CYP19A1: variants seen among roughly 807,000 people sequenced by gnomAD.
The protein encoded by CYP19A1 is cytochrome P450 family 19 subfamily A member 1.
In CYP19A1, 32 loss-of-function variants were observed where a neutral mutation model predicts 44.4. The ratio of observed to expected loss-of-function variants is 0.72; its 90% CI spans 0.54 to 0.97. The LOEUF is 0.97. Ranked by LOEUF, CYP19A1 falls within the 50% of genes least tolerant of loss-of-function variation. CYP19A1 has a pLI of 0.00. For missense variants in CYP19A1, 598 were observed against 637.8 expected (o/e 0.94, Z 0.67); for synonymous variants, 212 against 215.6 (o/e 0.98, Z 0.14).
At position 51,289,176 on chromosome 15, in the gene CYP19A1, A is replaced by G. The variant is rs1159911517; in HGVS notation, c.-38-46226T>C. 3.3e-5 allele frequency among the ~76,000 whole-genome samples: 5 copies of G among 152,234 alleles called. No individual in the cohort carries two copies. In the East Asian group the frequency reaches 7.7e-4, roughly 23 times the overall value. On this transcript the variant is annotated intron_variant, in intron 1 of 9. Transcript: ENST00000396402. ...TCCTACTCCCTGTGGTACTCTCTCT[A>G]TGTATATATTTCAATGAAGGTAATT...
rs1462327243 is a variant in CYP19A1 at position 51,242,855 on chromosome 15, C to T, written c.58G>A (p.Ala20Thr). 1.9e-6 allele frequency: 3 copies of T among 1,603,088 alleles called. No homozygotes were observed. The highest frequency in any genetic ancestry group is 1.7e-4 in the Middle Eastern group (1 of 6,058). ...ACTGGCATGGTGGCAGCAGGCATGG[C>T]TTCAGGCACGATGCTGGTGATGTTA... ...HYNITSIVPE[A>T]MPAATMPVLL... The change falls in exon 2 of 10, where the codon GCC becomes ACC. Residue 20 changes from alanine to threonine, a missense_variant. Physicochemically the swap from Ala to Thr is moderately conservative, Grantham distance 58. Coordinates refer to ENST00000396402, the MANE Select transcript of CYP19A1 (RefSeq NM_000103.4).
chr15:51,222,648 A>G, intron 4 of CYP19A1, 123 bp from the exon 5 acceptor site: 1 of 772,604 alleles, frequency 1.3e-6, no homozygotes, highest in Non-Finnish European at 2.3e-6. Flanking sequence ...AATTGGGTGG[A>G]AGTTTTCATA....
chr15:51,312,852 C>T (rs1193134143), intron 1 of CYP19A1: 1 of 152,302 alleles, frequency 6.6e-6, no homozygotes, highest in Non-Finnish European at 1.5e-5. Flanking sequence ...TTCCTCCCCT[C>T]CCTCCAGCTG....
At chr15:51,318,979 C>G (rs1595782722) in intron 1 of CYP19A1, 2 of 152,152 alleles carry the variant, frequency 1.3e-5, no homozygotes, top group Admixed American at 1.3e-4. Context: ...CAGGAAACAC[C>G]CTGAGATGTA....
Position 51,212,418 on chromosome 15 carries a change from T to C in CYP19A1, c.1165A>G (p.Lys389Glu). 1 of 1,607,186 alleles carries C rather than the reference T, an allele frequency of 6.2e-7. No individual in the cohort carries two copies. Among genetic ancestry groups the C allele is most frequent in the South Asian group, 1.1e-5 (1 of 90,942 alleles). ...EDDVIDGYPVKKGTNIILNIG... is the reference protein window; with the variant it reads ...EDDVIDGYPVEKGTNIILNIG... ...TTCAGGATAATGTTTGTCCCCTTTT[T>C]CACTGGGTAGCCATCGATTACATCA... is the stretch of plus-strand genomic sequence containing the variant. The change falls in exon 9 of 10, where the codon AAA becomes GAA. Residue 389 changes from lysine (K) to glutamate (E), a missense_variant. Coordinates refer to ENST00000396402, the MANE Select transcript of CYP19A1 (RefSeq NM_000103.4).
chr15:51,259,929 G>C (rs573177693), intron 1 of CYP19A1, among the ~76,000 whole-genome samples: 1 of 152,346 alleles, frequency 6.6e-6, no homozygotes, highest in Admixed American at 6.5e-5. Flanking sequence ...ATTGGGGAGA[G>C]AAGGACAGGT....
intron 1 of CYP19A1, among the ~76,000 whole-genome samples, chr15:51,336,859 C>T (rs1253841188): frequency 4.0e-5 from 6 of 151,332 alleles, no homozygotes; most frequent in South Asian, 4.2e-4. Context: ...TCCCTGTGTC[C>T]GCATTATATC....
chr15:51,336,910 T>TGAC (rs3078039), intron 1 of CYP19A1, among the ~76,000 whole-genome samples: 9,506 of 103,390 alleles, frequency 0.092, 802 homozygotes, highest in East Asian at 0.31. Flanking sequence ...GATTGATAGC[T>TGAC]TTTTTTTTTT....
intron 1 of CYP19A1, among the ~76,000 whole-genome samples, chr15:51,292,196 G>A (rs1004426763): frequency 1.3e-5 from 2 of 152,174 alleles, no homozygotes; most frequent in African/African-American, 2.4e-5. Context: ...AGAGTCACTC[G>A]GCTCTCAACC....
Position 51,298,369 on chromosome 15 carries a change from G to C in CYP19A1, c.-39+40126C>G, listed in dbSNP as rs557342889. Among the ~76,000 whole-genome samples the C allele has an allele frequency of 4.7e-4, 71 of 152,272 alleles. 2 individuals are homozygous for C. The highest frequency in any genetic ancestry group is 1.6e-3 in the Admixed American group (24 of 15,296). On this transcript the variant is annotated intron_variant, in intron 1 of 9. Coordinates refer to ENST00000396402, the MANE Select transcript of CYP19A1 (RefSeq NM_000103.4). Reference sequence around the variant, plus strand: ...TTTAGTTTTATGGAGCCCATGCTAAGAAAAATAAAGTGTGATAATCGAAGC... The same window carrying C: ...TTTAGTTTTATGGAGCCCATGCTAACAAAAATAAAGTGTGATAATCGAAGC...
intron 1 of CYP19A1, 39 bp from the exon 2 acceptor site, chr15:51,242,989 C>G: frequency 9.8e-7 from 1 of 1,017,920 alleles, no homozygotes; most frequent in Non-Finnish European, 1.6e-6. Context: ...ACAGAATCCC[C>G]TAAAAGGTTC....
chr15:51,300,468 A>T (rs2036089588), intron 1 of CYP19A1, among the ~76,000 whole-genome samples: 1 of 152,194 alleles, frequency 6.6e-6, no homozygotes, highest in Non-Finnish European at 1.5e-5. Context: ...ATTGGGTGTG[A>T]TAGAGGTTTG....
At chr15:51,293,288 C>A (rs1384130351) in intron 1 of CYP19A1, among the ~76,000 whole-genome samples, 1 of 152,092 alleles carries the variant, frequency 6.6e-6, no homozygotes, top group African/African-American at 2.4e-5. Context: ...GAGTTCAATG[C>A]CTGGTAAACA....
intron 1 of CYP19A1, among the ~76,000 whole-genome samples, chr15:51,276,014 T>C (rs1168561653): frequency 1.3e-5 from 2 of 152,194 alleles, no homozygotes; most frequent in Non-Finnish European, 2.9e-5. Context: ...AAGATTATGA[T>C]GGAAACTGTC....
intron 1 of CYP19A1, among the ~76,000 whole-genome samples, chr15:51,252,851 TG>T (rs1432388975): frequency 6.6e-6 from 1 of 152,180 alleles, no homozygotes; most frequent in Non-Finnish European, 1.5e-5. Flanking sequence ...GGAGTTAATC[TG>T]GGGAAGACAG....
intron 5 of CYP19A1, chr15:51,222,039 G>C: frequency 3.7e-6 from 2 of 536,610 alleles, no homozygotes; most frequent in Non-Finnish European, 6.6e-6. Context: ...GTTGATTGGT[G>C]GTAGGATATG....
At chr15:51,277,466 T>C (rs372598229) in intron 1 of CYP19A1, 1 of 152,182 alleles carries the variant, frequency 6.6e-6, no homozygotes, top group African/African-American at 2.4e-5. Context: ...CTTACGGCAA[T>C]GAAAGCAAAT....
At chr15:51,226,295 G>C (rs1425619867) in intron 4 of CYP19A1, among the ~76,000 whole-genome samples, 1 of 152,056 alleles carries the variant, frequency 6.6e-6, no homozygotes, top group African/African-American at 2.4e-5. Context: ...CAAAGAAAGA[G>C]AGTCTCTCCT....
intron 1 of CYP19A1, among the ~76,000 whole-genome samples, chr15:51,265,405 G>A (rs1267814777): frequency 2.0e-5 from 3 of 152,204 alleles, no homozygotes; most frequent in African/African-American, 7.2e-5. Flanking sequence ...ATAAAAGTTA[G>A]GCAAGGATTG....
Sources: gnomAD v4.1 joint callset for allele counts (sites outside exome capture counted in the v4.1 genomes callset) on GRCh38, gnomAD v4.1.1 for gene constraint, MANE v1.5 for transcripts, NCBI Gene and HGNC (gene_info 2026-07-23, HGNC 2026-07-21) for gene names.